The following SATB2 variants were observed in gnomAD, a reference collection of about 807,000 sequenced individuals.
SATB2 encodes the protein SATB homeobox 2, also known as DNA-binding protein SATB2.
A neutral mutation model predicts 73.4 loss-of-function variants in SATB2; 1 was observed. The ratio of observed to expected loss-of-function variants is 0.01; its 90% CI spans 0.00 to 0.06. SATB2 has a LOEUF of 0.06. Ranked by LOEUF, SATB2 falls within the 10% of genes least tolerant of loss-of-function variation. The pLI, the probability that SATB2 is intolerant of heterozygous loss-of-function variation, is 1.00. For synonymous variants in SATB2, 397 were observed against 367.0 expected, an observed-to-expected ratio of 1.08 and a Z score of -0.93; for missense variants, 459 against 945.8, an observed-to-expected ratio of 0.49 and a Z score of 6.75.
At chr2:199,427,710 T>C (rs1053059804) in intron 3 of SATB2, among the ~76,000 whole-genome samples, 1 of 152,052 alleles carries the variant, frequency 6.6e-6, no homozygotes, top group African/African-American at 2.4e-5. Context: ...AATACACAAG[T>C]CTCTCGAATT....
intron 6 of SATB2, among the ~76,000 whole-genome samples, chr2:199,365,385 G>C (rs1446999921): frequency 6.6e-6 from 1 of 151,728 alleles, no homozygotes; most frequent in African/African-American, 2.4e-5. Context: ...ATATTCCTGG[G>C]AAACAGATTC....
In SATB2 at chr2:199,392,251, C is replaced by CT. The variant is rs1005890706; in HGVS notation, c.347-10432dup. On this transcript the variant is annotated intron_variant, in intron 3 of 10. Coordinates refer to ENST00000417098, the MANE Select transcript of SATB2 (RefSeq NM_001172509.2). The stretch of plus-strand genomic sequence containing the variant: ...CAGAAAAATCAAAATTCCCAGATTC[C>CT]TTTTTTTTTTCCCTTCAATTCACTG... Among the ~76,000 whole-genome samples the CT allele has an allele frequency of 3.8e-3, 570 of 148,402 alleles. 2 individuals carry two copies. The highest frequency in any genetic ancestry group is 6.6e-3 in the South Asian group (31 of 4,672).
At chr2:199,416,315 A>C (rs536652806) in intron 3 of SATB2, among the ~76,000 whole-genome samples, 1 of 152,242 alleles carries the variant, frequency 6.6e-6, no homozygotes, top group Non-Finnish European at 1.5e-5. Flanking sequence ...TCCACTAATA[A>C]TTATATTTGA....
chr2:199,320,260 CA>C (rs1243782642), intron 9 of SATB2, among the ~76,000 whole-genome samples: 8 of 152,120 alleles, frequency 5.3e-5, no homozygotes, highest in Non-Finnish European at 8.8e-5. Context: ...TCCTAATTCA[CA>C]GAGAATTACC....
At chr2:199,281,897 T>C (rs925401215) in intron 10 of SATB2, among the ~76,000 whole-genome samples, 1 of 151,620 alleles carries the variant, frequency 6.6e-6, no homozygotes, top group African/African-American at 2.4e-5. Flanking sequence ...TTTTTTTTTT[T>C]TTGAGACAGG....
chr2:199,400,725 G>T (rs1467667690), intron 3 of SATB2, among the ~76,000 whole-genome samples: 3 of 152,106 alleles, frequency 2.0e-5, no homozygotes, highest in Non-Finnish European at 4.4e-5. Flanking sequence ...TTTTGCAGAT[G>T]AGAACACCAG....
chr2:199,308,726 G>A lies in SATB2; in HGVS notation c.1740+34C>T. The A allele has an allele frequency of 1.3e-6, 2 of 1,592,832 alleles. No individual in the cohort carries two copies. The highest frequency in any genetic ancestry group is 8.6e-7 in the Non-Finnish European group (1 of 1,161,028). ...AGCTACTGCTGGCACACAGAGCCCTGATCAGGTGGGGTACGGCGGTCGGGG... is the reference window on the plus strand; with the variant it reads ...AGCTACTGCTGGCACACAGAGCCCTAATCAGGTGGGGTACGGCGGTCGGGG... On this transcript the variant is annotated intron_variant, in intron 10 of 10. Coordinates refer to ENST00000417098, the MANE Select transcript of SATB2 (RefSeq NM_001172509.2). This position sits in a 1 kb window ranked among gnomAD's most constrained non-coding sequence, Gnocchi z 4.6.
intron 3 of SATB2, among the ~76,000 whole-genome samples, chr2:199,422,385 T>C (rs1045547747): frequency 2.0e-5 from 3 of 152,022 alleles, no homozygotes; most frequent in South Asian, 2.1e-4. Flanking sequence ...AAGGAGCTTA[T>C]ATATACAAAT....
intron 3 of SATB2, among the ~76,000 whole-genome samples, chr2:199,388,111 A>C (rs1162866232): frequency 6.6e-6 from 1 of 152,236 alleles, no homozygotes. Context: ...AAGCCTTTAG[A>C]AAGTCAATCA....
upstream of SATB2, among the ~76,000 whole-genome samples, chr2:199,466,446 A>G (rs561610056): frequency 6.6e-6 from 1 of 152,278 alleles, no homozygotes; most frequent in East Asian, 1.9e-4. Flanking sequence ...GCTCTTGGTG[A>G]CCAGCCCTTG....
upstream of SATB2, chr2:199,458,595 C>T (rs1436784978): frequency 2.3e-6 from 1 of 431,936 alleles, no homozygotes. Flanking sequence ...CTCGTCCCGG[C>T]GCGGAGGCGG....
intron 3 of SATB2, among the ~76,000 whole-genome samples, chr2:199,391,449 AAAAC>A (rs1481246467): frequency 9.3e-4 from 122 of 130,912 alleles, no homozygotes; most frequent in South Asian, 2.0e-3. Context: ...AAAAAAAAAA[AAAAC>A]AAAAAACAAA....
intron 10 of SATB2, among the ~76,000 whole-genome samples, chr2:199,294,883 A>C (rs1490116398): frequency 6.6e-6 from 1 of 152,090 alleles, no homozygotes; most frequent in Non-Finnish European, 1.5e-5. Context: ...TAGCTCCCTA[A>C]TTTACTTTTT....
intron 3 of SATB2, among the ~76,000 whole-genome samples, chr2:199,402,558 G>A (rs1381912305): frequency 1.3e-5 from 2 of 152,074 alleles, no homozygotes; most frequent in Non-Finnish European, 2.9e-5. Context: ...GCAAGACTCC[G>A]TTTCAAAACA....
intron 3 of SATB2, among the ~76,000 whole-genome samples, chr2:199,384,797 T>C (rs1435070738): frequency 6.6e-6 from 1 of 152,202 alleles, no homozygotes; most frequent in East Asian, 1.9e-4. Flanking sequence ...CTTACAAGAA[T>C]ACTGTGCAGA....
Position 199,308,763 on chromosome 2 carries a change from C to T in SATB2, c.1737G>A (p.Val579=). Residue 579 remains valine (V), a synonymous_variant, in exon 10 of 11, where the codon GTG becomes GTA. Coordinates refer to ENST00000417098, the MANE Select transcript of SATB2 (RefSeq NM_001172509.2). This position sits in a 1 kb window ranked among gnomAD's most constrained non-coding sequence, Gnocchi z 4.6. The part of the protein sequence containing the change: ...QHVVQLPPEP[V]QVLHRQQSQP... The stretch of plus-strand genomic sequence containing the variant: ...TACGGCGGTCGGGGACACTGACCTG[C>T]ACCGGCTCAGGGGGAAGCTGGACCA... 1.2e-6 allele frequency: 2 copies of T among 1,613,982 alleles called. No homozygotes were observed. The highest frequency in any genetic ancestry group is 1.7e-6 in the Non-Finnish European group (2 of 1,179,880).
At chr2:199,396,711 T>A (rs567498162) in intron 3 of SATB2, 1 of 152,268 alleles carries the variant, frequency 6.6e-6, no homozygotes, top group East Asian at 1.9e-4. Flanking sequence ...TCACTTTTGT[T>A]GTTACCTTAT....
At chr2:199,341,091 C>A (rs868422617) in intron 7 of SATB2, among the ~76,000 whole-genome samples, 2 of 152,166 alleles carry the variant, frequency 1.3e-5, no homozygotes, top group Non-Finnish European at 2.9e-5. Flanking sequence ...ATAAACCTTT[C>A]CATACTGGCA....
intron 10 of SATB2, among the ~76,000 whole-genome samples, chr2:199,288,603 C>G (rs555784364): frequency 6.6e-6 from 1 of 152,082 alleles, no homozygotes; most frequent in African/African-American, 2.4e-5. Context: ...AGATGTTCAC[C>G]AAGAAAATAC....
Sources: allele counts gnomAD v4.1 joint callset (sites outside exome capture counted in the v4.1 genomes callset), GRCh38; gene constraint gnomAD v4.1.1; non-coding constraint Gnocchi (gnomAD v3.1); transcripts MANE v1.5; gene names NCBI Gene and HGNC (gene_info 2026-07-23, HGNC 2026-07-21).